The following SLC28A3 variants were observed in gnomAD, a reference collection of about 807,000 sequenced individuals.
SLC28A3 encodes the protein concentrative Na(+)-nucleoside cotransporter 3.
SLC28A3 carries 68 observed loss-of-function variants against 84.2 expected under a neutral mutation model. The ratio of observed to expected loss-of-function variants is 0.81; its 90% CI spans 0.66 to 0.99. SLC28A3 has a LOEUF of 0.99. Among genes scored for constraint, SLC28A3 ranks in the 50% least tolerant of loss-of-function variants. The pLI is 0.00. For synonymous variants in SLC28A3, 267 were observed against 303.6 expected (o/e 0.88, Z 1.25); for missense variants, 712 against 841.5 (o/e 0.85, Z 1.90).
chr9:84,305,359 G>A lies in SLC28A3; in HGVS notation c.243-14C>T. On this transcript the variant is annotated splice_polypyrimidine_tract_variant and intron_variant, in intron 3 of 17. Transcript: ENST00000376238. ...CTTTCCAAACACCTGCAACATAAAAGCAAAAAGGCAGGGAGAAGTAAACAC... is the reference window on the plus strand; with the variant it reads ...CTTTCCAAACACCTGCAACATAAAAACAAAAAGGCAGGGAGAAGTAAACAC... 1.2e-6 allele frequency: 2 copies of A among 1,606,198 alleles called. No homozygotes were observed. The highest frequency in any genetic ancestry group is 1.7e-5 in the Admixed American group (1 of 59,196).
chr9:84,366,435 TGTTGATGCTA>T, the SLC28A3 span, among the ~76,000 whole-genome samples: 1 of 151,948 alleles, frequency 6.6e-6, no homozygotes, highest in Non-Finnish European at 1.5e-5. Context: ...TCCTGGATGG[TGTTGATGCTA>T]GTAGATGTTC....
At chr9:84,317,919 T>C (rs1169381823) in intron 1 of SLC28A3, among the ~76,000 whole-genome samples, 1 of 152,240 alleles carries the variant, frequency 6.6e-6, no homozygotes, top group Non-Finnish European at 1.5e-5. Flanking sequence ...ATCTGATCTC[T>C]CAAAATTGTT....
chr9:84,335,805 A>T (rs942358238), intron 1 of SLC28A3, among the ~76,000 whole-genome samples: 15 of 152,056 alleles, frequency 9.9e-5, no homozygotes, highest in African/African-American at 3.6e-4. Context: ...CAATCCCAAG[A>T]TAGGTACCAT....
At chr9:84,302,449 C>T (rs1040871601) in intron 4 of SLC28A3, 60 bp from the exon 5 acceptor site, 35 of 1,553,626 alleles carry the variant, frequency 2.3e-5, no homozygotes, top group Non-Finnish European at 2.9e-5. Flanking sequence ...CGCCTCCAGG[C>T]TCCAGCCTTG....
At chr9:84,300,758 AG>A (rs943898203) in intron 5 of SLC28A3, among the ~76,000 whole-genome samples, 2 of 152,140 alleles carry the variant, frequency 1.3e-5, no homozygotes, top group Non-Finnish European at 2.9e-5. Context: ...CCTATGGGAA[AG>A]GGTCTCTCTA....
the SLC28A3 span, among the ~76,000 whole-genome samples, chr9:84,364,698 T>C: frequency 6.6e-6 from 1 of 152,116 alleles, no homozygotes; most frequent in African/African-American, 2.4e-5. Flanking sequence ...CTGGTCACCA[T>C]GCTCTACTCT....
the SLC28A3 span, among the ~76,000 whole-genome samples, chr9:84,361,662 A>T: frequency 1.3e-5 from 2 of 151,878 alleles, no homozygotes; most frequent in Admixed American, 1.3e-4. Context: ...ATCTTAGAGG[A>T]TCTGCCTATC....
At chr9:84,323,608 A>T (rs1374818655) in intron 1 of SLC28A3, among the ~76,000 whole-genome samples, 1 of 151,884 alleles carries the variant, frequency 6.6e-6, no homozygotes, top group Non-Finnish European at 1.5e-5. Context: ...TATTTTTAGT[A>T]AAGACGGGGT....
At chr9:84,366,193 T>C in the SLC28A3 span, among the ~76,000 whole-genome samples, 4 of 152,138 alleles carry the variant, frequency 2.6e-5, no homozygotes, top group Non-Finnish European at 5.9e-5. Flanking sequence ...TGATGCATTC[T>C]TCAATATGCC....
chr9:84,293,470 C>G (rs367570888), intron 9 of SLC28A3, among the ~76,000 whole-genome samples: 22 of 152,318 alleles, frequency 1.4e-4, no homozygotes, highest in African/African-American at 4.6e-4. Flanking sequence ...TTCCCTCTCT[C>G]TCTTCTCTTC....
chr9:84,338,064 G>A (rs1827043202), intron 1 of SLC28A3, among the ~76,000 whole-genome samples: 1 of 152,184 alleles, frequency 6.6e-6, no homozygotes. Flanking sequence ...ACCTGCACCA[G>A]GTCTTACAGG....
chr9:84,364,151 G>T, the SLC28A3 span, among the ~76,000 whole-genome samples: 1 of 123,224 alleles, frequency 8.1e-6, no homozygotes. Flanking sequence ...TTGAGATGGC[G>T]TCTTGCTCTG....
the SLC28A3 span, among the ~76,000 whole-genome samples, chr9:84,361,100 C>A: frequency 1.3e-4 from 20 of 152,170 alleles, no homozygotes; most frequent in African/African-American, 4.8e-4. Context: ...AATCCCAGCA[C>A]TTTGGGAGGC....
the SLC28A3 span, among the ~76,000 whole-genome samples, chr9:84,352,144 C>T: frequency 1.3e-5 from 2 of 151,866 alleles, no homozygotes; most frequent in African/African-American, 2.4e-5. Flanking sequence ...ATATATTATC[C>T]TGCAGATTTC....
chr9:84,331,748 T>C (rs906468074), intron 1 of SLC28A3, among the ~76,000 whole-genome samples: 2 of 152,218 alleles, frequency 1.3e-5, no homozygotes, highest in African/African-American at 4.8e-5. Flanking sequence ...TTCCAAGAGA[T>C]GCCTTTTAAT....
At chr9:84,335,712 CGT>C (rs56259271) in intron 1 of SLC28A3, among the ~76,000 whole-genome samples, 11,739 of 148,724 alleles carry the variant, frequency 0.079, 1,043 homozygotes, top group African/African-American at 0.23. Context: ...TATGTATATA[CGT>C]GTGTGTGTGT....
chr9:84,323,324 G>A (rs1826439019), intron 1 of SLC28A3, among the ~76,000 whole-genome samples: 1 of 152,148 alleles, frequency 6.6e-6, no homozygotes, highest in Non-Finnish European at 1.5e-5. Flanking sequence ...AAATAGATGA[G>A]TTGCCTAAAT....
intron 1 of SLC28A3, among the ~76,000 whole-genome samples, chr9:84,328,156 TACACACACACAC>T (rs71498096): frequency 1.4e-4 from 18 of 131,898 alleles, no homozygotes; most frequent in African/African-American, 2.6e-4. Context: ...GGGAAAAGAC[TACACACACACAC>T]ACACACACAC....
At chr9:84,295,726 A>G (rs779214165) in intron 8 of SLC28A3, among the ~76,000 whole-genome samples, 4 of 152,116 alleles carry the variant, frequency 2.6e-5, no homozygotes, top group Non-Finnish European at 5.9e-5. Flanking sequence ...CATAGACCAC[A>G]AAGAGCTGTG....
Sources: gnomAD v4.1 joint callset for allele counts (sites outside exome capture counted in the v4.1 genomes callset) on GRCh38, gnomAD v4.1.1 for gene constraint, MANE v1.5 for transcripts, NCBI Gene and HGNC (gene_info 2026-07-23, HGNC 2026-07-21) for gene names.